BEND5: variants seen among roughly 807,000 people sequenced by gnomAD.
BEND5 encodes BEN domain containing 5.
Under a neutral mutation model 43.9 loss-of-function variants are expected in BEND5, and 22 were observed. The ratio of observed to expected loss-of-function variants is 0.50; its 90% CI spans 0.36 to 0.72. BEND5 has a LOEUF of 0.72. BEND5 is among the 30% of genes least tolerant of loss of function. BEND5 has a pLI of 0.00. For synonymous variants in BEND5, 228 were observed against 225.9 expected (o/e 1.01, Z -0.08); for missense variants, 428 against 550.6 (o/e 0.78, Z 2.23).
intron 3 of BEND5, among the ~76,000 whole-genome samples, chr1:48,750,650 A>G (rs1291282030): frequency 4.6e-5 from 7 of 152,214 alleles, no homozygotes; most frequent in Admixed American, 4.6e-4. Context: ...CAGGGCTCGG[A>G]ACAGAGGAAG....
Position 48,727,646 on chromosome 1 carries a change from C to G in BEND5, c.*240G>C. ...CAACTCAGGCAACCTTATCCCCCTCCAAGAAGAGTGTTTTCCCCATTCCCA... is the reference window on the plus strand; with the variant it reads ...CAACTCAGGCAACCTTATCCCCCTCGAAGAAGAGTGTTTTCCCCATTCCCA... On this transcript the variant is annotated 3_prime_UTR_variant, in exon 6 of 6. Transcript: ENST00000371833. 1 of 302,838 alleles carries G rather than the reference C, an allele frequency of 3.3e-6. No individual in the cohort carries two copies. Among genetic ancestry groups the G allele is most frequent in the Non-Finnish European group, 6.0e-6 (1 of 165,384 alleles). The allele number at this position is 302,838 out of a possible 1,614,324, so 18.8% of individuals were successfully genotyped here.
chr1:48,750,191 T>C (rs766397400), intron 3 of BEND5, among the ~76,000 whole-genome samples: 14 of 152,146 alleles, frequency 9.2e-5, no homozygotes, highest in Middle Eastern at 3.4e-3. Context: ...CAGAGGAAAA[T>C]AGCAACTCAG....
At chr1:48,771,237 C>T (rs2148693223) in intron 1 of BEND5, among the ~76,000 whole-genome samples, 1 of 152,268 alleles carries the variant, frequency 6.6e-6, no homozygotes, top group African/African-American at 2.4e-5. Flanking sequence ...GTACACACAA[C>T]TTCTGTCCCT....
intron 4 of BEND5, among the ~76,000 whole-genome samples, chr1:48,737,501 C>A (rs1021029149): frequency 2.6e-5 from 4 of 152,142 alleles, no homozygotes; most frequent in African/African-American, 9.7e-5. Context: ...CATTTCCCTA[C>A]CTATGAAGTG....
At chr1:48,734,226 C>T (rs1214706030) in intron 5 of BEND5, among the ~76,000 whole-genome samples, 1 of 152,202 alleles carries the variant, frequency 6.6e-6, no homozygotes, top group Non-Finnish European at 1.5e-5. Context: ...AGCTATGTTA[C>T]AGCAGAACAA....
chr1:48,753,532 C>T (rs547249770), intron 3 of BEND5, among the ~76,000 whole-genome samples: 5 of 152,286 alleles, frequency 3.3e-5, no homozygotes, highest in African/African-American at 1.2e-4. Context: ...TTTTAGCGGA[C>T]CTTGGACAGC....
Position 48,759,262 on chromosome 1 carries a change from C to A in BEND5, c.383G>T (p.Ser128Ile). 1 of 1,563,486 alleles carries A rather than the reference C, an allele frequency of 6.4e-7. No individual in the cohort carries two copies. The highest frequency in any genetic ancestry group is 8.7e-7 in the Non-Finnish European group (1 of 1,153,740). Reference sequence around the variant, plus strand: ...CTCGATGCTCTTGTGCGCCACTTCGCTCGGCTTCCGCCCCTCAGGTCTCTG... The same window carrying A: ...CTCGATGCTCTTGTGCGCCACTTCGATCGGCTTCCGCCCCTCAGGTCTCTG... ...HIKRPEGRKP[S>I]EVAHKSIEAV... The change falls in exon 3 of 6, where the codon AGC becomes ATC. Residue 128 changes from serine (S) to isoleucine (I), a missense_variant. Physicochemically the swap from Ser to Ile is moderately radical, Grantham distance 142. Transcript: ENST00000371833.
chr1:48,773,291 G>A (rs1019551921), intron 1 of BEND5, among the ~76,000 whole-genome samples: 3 of 152,092 alleles, frequency 2.0e-5, no homozygotes, highest in African/African-American at 7.2e-5. Flanking sequence ...CCAGTAGCAG[G>A]CTGGATTGCA....
At chr1:48,745,624 G>C (rs978620132) in intron 3 of BEND5, among the ~76,000 whole-genome samples, 5 of 152,110 alleles carry the variant, frequency 3.3e-5, no homozygotes, top group Non-Finnish European at 7.4e-5. Context: ...TCTACCCCTA[G>C]AGATGTCCAC....
At chr1:48,762,612 TTTTGTGTGTGTGTGTGTGTGTGTGTG>T (rs1342156107) in intron 1 of BEND5, among the ~76,000 whole-genome samples, 8 of 127,864 alleles carry the variant, frequency 6.3e-5, no homozygotes, top group South Asian at 2.4e-4. Flanking sequence ...TCTTTAAGGG[TTTTGTGTGTGTGTGTGTGTGTGTGTG>T]TGTGTGTGTG....
In BEND5 at chr1:48,736,041, G is replaced by T. The variant is rs1648987589; in HGVS notation, c.1108+198C>A. On this transcript the variant is annotated intron_variant, in intron 5 of 5. Transcript: ENST00000371833. The surrounding 1 kb of genome is among the most constrained non-coding windows in gnomAD (Gnocchi z 4.0). Reference sequence around the variant, plus strand: ...TTCCTTGTGGAATATAATCGTACTTGTGTCCACAGCTCATCTGCCCTGGTA... The same window carrying T: ...TTCCTTGTGGAATATAATCGTACTTTTGTCCACAGCTCATCTGCCCTGGTA... 6.6e-6 allele frequency among the ~76,000 whole-genome samples: 1 copy of T among 152,180 alleles called. No individual in the cohort carries two copies. The highest frequency in any genetic ancestry group is 2.1e-4 in the South Asian group (1 of 4,824).
In BEND5 at chr1:48,742,684, G is replaced by C; in HGVS notation, c.833C>G (p.Thr278Arg). Residue 278 changes from threonine (T) to arginine (R), a missense_variant, in exon 4 of 6, where the codon ACG (threonine) becomes AGG (arginine). Coordinates refer to ENST00000371833, the MANE Select transcript of BEND5 (RefSeq NM_024603.4). ...CGCAGGAGCGGGGTAATAGGACGAC[G>C]TATTTGCTTCCTCACTGAAAGTGCT... ...LRSTFSEEAN[T>R]SSYYPAPAPV... 6.2e-7 allele frequency: 1 copy of C among 1,611,456 alleles called. No homozygotes were observed. Among genetic ancestry groups the C allele is most frequent in the Non-Finnish European group, 8.5e-7 (1 of 1,178,710 alleles).
chr1:48,739,283 C>T (rs1389489370), intron 4 of BEND5, among the ~76,000 whole-genome samples: 1 of 152,194 alleles, frequency 6.6e-6, no homozygotes, highest in African/African-American at 2.4e-5. Flanking sequence ...TAAAATACCT[C>T]CTTCCTTATT....
intron 1 of BEND5, among the ~76,000 whole-genome samples, chr1:48,774,391 T>C (rs1215142372): frequency 1.3e-5 from 2 of 152,142 alleles, no homozygotes; most frequent in African/African-American, 4.8e-5. Context: ...ACCCTGGCCC[T>C]TCGATCAGGT....
At chr1:48,734,268 G>C (rs1039882000) in intron 5 of BEND5, among the ~76,000 whole-genome samples, 1 of 152,308 alleles carries the variant, frequency 6.6e-6, no homozygotes, top group Admixed American at 6.5e-5. Context: ...GTGTGTGTTT[G>C]AATCTAGGCT....
Position 48,752,010 on chromosome 1 carries a change from C to A in BEND5, c.745+6890G>T, listed in dbSNP as rs188855365. On this transcript the variant is annotated intron_variant, in intron 3 of 5. Coordinates refer to ENST00000371833, the MANE Select transcript of BEND5 (RefSeq NM_024603.4). The stretch of plus-strand genomic sequence containing the variant: ...ACTGATATTTTTCAGACAAACTACT[C>A]CACTTCTTATTACTAGGTCTCTTCC... Among the ~76,000 whole-genome samples the A allele has an allele frequency of 3.9e-4, 60 of 152,314 alleles. No homozygotes were observed. In the South Asian group the frequency reaches 6.2e-3, roughly 16 times the overall value.
chr1:48,743,316 C>T lies in BEND5; in HGVS notation c.746-545G>A, dbSNP rs543949366. Among the ~76,000 whole-genome samples, 4 of 152,292 alleles carry T rather than the reference C, an allele frequency of 2.6e-5. No homozygotes were observed. In the South Asian group the frequency reaches 8.3e-4, roughly 32 times the overall value. On this transcript the variant is annotated intron_variant, in intron 3 of 5. Transcript: ENST00000371833. ...CACATTAAGCCCCTGATTGCCTGAT[C>T]CAGCAGCTACTCTGATTTTTATTTT...
chr1:48,734,138 C>T (rs550342446), intron 5 of BEND5, among the ~76,000 whole-genome samples: 64 of 152,250 alleles, frequency 4.2e-4, no homozygotes, highest in African/African-American at 1.4e-3. Context: ...AGCAGCAAGA[C>T]GAAAGGTTAC....
intron 1 of BEND5, among the ~76,000 whole-genome samples, chr1:48,764,694 T>C (rs1644446094): frequency 6.6e-6 from 1 of 152,232 alleles, no homozygotes. Flanking sequence ...TGTCGCTTTG[T>C]AGGTGTGAGA....
Sources: gnomAD v4.1 joint callset for allele counts (sites outside exome capture counted in the v4.1 genomes callset) on GRCh38, gnomAD v4.1.1 for gene constraint, Gnocchi (gnomAD v3.1) non-coding constraint, MANE v1.5 for transcripts, NCBI Gene and HGNC (gene_info 2026-07-23, HGNC 2026-07-21) for gene names.